Variants in DOCK9 observed in about 807,000 individuals in gnomAD.
The protein encoded by DOCK9 is dedicator of cytokinesis 9.
In DOCK9, 89 loss-of-function variants were observed where a neutral mutation model predicts 263.3. The ratio of observed to expected loss-of-function variants is 0.34; its 90% CI spans 0.28 to 0.40. The LOEUF (loss-of-function observed/expected upper bound fraction) is 0.40, where lower values mean the gene tolerates loss of function less well. DOCK9 is among the 10% of genes least tolerant of loss of function. The probability of loss-of-function intolerance (pLI) is 1.00; values close to 1 mark genes in which losing one functional copy is unlikely to be tolerated. For synonymous variants in DOCK9, 976 were observed against 973.1 expected (o/e 1.00, Z -0.06); for missense variants, 2,140 against 2,603.4 (o/e 0.82, Z 3.87).
intron 1 of DOCK9, among the ~76,000 whole-genome samples, chr13:98,960,642 A>T (rs2058529642): frequency 6.6e-6 from 1 of 152,226 alleles, no homozygotes; most frequent in Non-Finnish European, 1.5e-5. Context: ...AATAGTCCAC[A>T]ACAGTGGTTC....
intron 49 of DOCK9, among the ~76,000 whole-genome samples, chr13:98,803,294 G>A (rs2090327876): frequency 1.3e-5 from 2 of 152,210 alleles, no homozygotes; most frequent in African/African-American, 2.4e-5. Flanking sequence ...CTGGAGAAAT[G>A]TGCCCTGGGA....
intron 50 of DOCK9, 92 bp downstream of exon 50, chr13:98,800,196 C>G: frequency 7.4e-7 from 1 of 1,343,740 alleles, no homozygotes; most frequent in Non-Finnish European, 1.0e-6. Context: ...AACCGAGGCT[C>G]TCAAGTAGAC....
At chr13:98,913,429 A>G (rs1218939033) in intron 9 of DOCK9, among the ~76,000 whole-genome samples, 7 of 152,332 alleles carry the variant, frequency 4.6e-5, no homozygotes, top group Middle Eastern at 3.4e-3. Flanking sequence ...TAATAGAAAA[A>G]AATGAAAATA....
intron 1 of DOCK9, among the ~76,000 whole-genome samples, chr13:98,971,807 G>T (rs1346674253): frequency 6.6e-6 from 1 of 152,186 alleles, no homozygotes; most frequent in African/African-American, 2.4e-5. Context: ...ATGATAAAAT[G>T]TAACACCCAA....
At chr13:98,805,521 C>T in intron 48 of DOCK9, among the ~76,000 whole-genome samples, 1 of 152,078 alleles carries the variant, frequency 6.6e-6, no homozygotes, top group East Asian at 1.9e-4. Flanking sequence ...AAAATAAGGA[C>T]ATTTGCTTCT....
chr13:99,073,251 T>G (rs1464353596), intron 1 of DOCK9, among the ~76,000 whole-genome samples: 1 of 152,164 alleles, frequency 6.6e-6, no homozygotes, highest in Non-Finnish European at 1.5e-5. Context: ...CTTTGCCTAA[T>G]AGAAAATCCC....
chr13:98,901,982 C>G (rs561506028), intron 12 of DOCK9, 82 bp from the exon 13 acceptor site: 9 of 1,518,976 alleles, frequency 5.9e-6, no homozygotes, highest in Non-Finnish European at 7.1e-6. Flanking sequence ...CAGCAAAGAA[C>G]AGTGAAACAG....
upstream of DOCK9, among the ~76,000 whole-genome samples, chr13:99,087,348 C>T (rs2042371344): frequency 6.6e-6 from 1 of 152,202 alleles, no homozygotes. Context: ...GGCAATACTT[C>T]GGAGCCTCGG....
At chr13:99,087,711 C>CG (rs1475562487), upstream of DOCK9, 1 of 152,416 alleles carries the variant, frequency 6.6e-6, no homozygotes, top group African/African-American at 2.4e-5. Flanking sequence ...GCCAGGCCCG[C>CG]GGCGCATGCT....
chr13:98,894,119 C>G (rs2047031347), intron 15 of DOCK9, among the ~76,000 whole-genome samples: 2 of 152,202 alleles, frequency 1.3e-5, no homozygotes, highest in African/African-American at 4.8e-5. Context: ...ACTCCCCAGC[C>G]TCCACTGAAG....
intron 39 of DOCK9, among the ~76,000 whole-genome samples, chr13:98,835,388 G>A (rs2092953203): frequency 6.6e-6 from 1 of 152,224 alleles, no homozygotes; most frequent in African/African-American, 2.4e-5. Flanking sequence ...TCTAAGCCAG[G>A]GAAGCCTGTC....
chr13:99,021,593 C>T lies in DOCK9; in HGVS notation c.129+64630G>A, dbSNP rs376041510. 4.1e-5 allele frequency among the ~76,000 whole-genome samples: 6 copies of T among 145,804 alleles called. No individual in the cohort carries two copies. The East Asian group carries it at 8.1e-4, about 20-fold the overall frequency. On this transcript the variant is annotated intron_variant, in intron 1 of 32. Transcript: ENST00000427887. Reference sequence around the variant, plus strand: ...GGCAGAGCTTGCAGTGAGCCGAGATCGCGCTACTGCACTCCAGCCTGGGTG... The same window carrying T: ...GGCAGAGCTTGCAGTGAGCCGAGATTGCGCTACTGCACTCCAGCCTGGGTG...
chr13:98,880,843 C>A (rs2044632561), intron 25 of DOCK9, among the ~76,000 whole-genome samples, 171 bp from the exon 26 acceptor site: 1 of 151,566 alleles, frequency 6.6e-6, no homozygotes, highest in African/African-American at 2.4e-5. Context: ...AAAAAGGAGT[C>A]CAGGATGTCT....
chr13:98,880,069 T>G, intron 26 of DOCK9, 100 bp from the exon 27 acceptor site: 4 of 936,522 alleles, frequency 4.3e-6, no homozygotes, highest in East Asian at 2.5e-5. Context: ...AAAGCAGGTG[T>G]GACCCTAAAA....
intron 5 of DOCK9, among the ~76,000 whole-genome samples, chr13:98,922,786 T>C (rs75585739): frequency 0.031 from 4,671 of 152,274 alleles, 236 homozygotes; most frequent in African/African-American, 0.11. Context: ...GAGATGGGCA[T>C]TGTCTTCTTG....
In DOCK9 at chr13:98,860,455, G is replaced by A. The variant is rs1411515394; in HGVS notation, c.3647C>T (p.Thr1216Ile). ...NPLVTPQKGS[T>I]LDNSLHKDLL... ...GTCCTTGTGCAGGCTGTTGTCCAGG[G>A]TGCTTCCCTTCTGCGGCGTCACCAG... is the stretch of plus-strand genomic sequence containing the variant. The change falls in exon 33 of 53, where the codon ACC becomes ATC. Residue 1216 changes from threonine (T) to isoleucine (I), a missense_variant. Thr to Ile is a moderately conservative substitution (Grantham distance 89). Transcript: ENST00000682017. 4 of 1,593,954 alleles carry A rather than the reference G, an allele frequency of 2.5e-6. No individual in the cohort carries two copies. The highest frequency in any genetic ancestry group is 3.4e-6 in the Non-Finnish European group (4 of 1,169,428).
chr13:98,860,211 A>C, intron 33 of DOCK9, 194 bp downstream of exon 33: 1 of 1,429,184 alleles, frequency 7.0e-7, no homozygotes, highest in Non-Finnish European at 9.2e-7. Context: ...AGTCACAGGC[A>C]TCCGGGACCT....
intron 2 of DOCK9, among the ~76,000 whole-genome samples, chr13:98,953,590 A>G (rs2057690480): frequency 6.6e-6 from 1 of 152,264 alleles, no homozygotes; most frequent in Non-Finnish European, 1.5e-5. Flanking sequence ...AATACCAAGA[A>G]GAACACATAC....
At chr13:98,892,396 T>C (rs1195347927) in intron 15 of DOCK9, among the ~76,000 whole-genome samples, 1 of 152,166 alleles carries the variant, frequency 6.6e-6, no homozygotes, top group Non-Finnish European at 1.5e-5. Flanking sequence ...TTAAAATGAT[T>C]AGCTGGCAAT....
Sources: allele counts gnomAD v4.1 joint callset (sites outside exome capture counted in the v4.1 genomes callset), GRCh38; gene constraint gnomAD v4.1.1; transcripts MANE v1.5; gene names NCBI Gene and HGNC (gene_info 2026-07-23, HGNC 2026-07-21).